Variants in CLASP1 observed in about 807,000 individuals in gnomAD.
CLASP1 encodes the protein cytoplasmic linker associated protein 1, also known as CLIP-associating protein 1.
A neutral mutation model predicts 192.3 loss-of-function variants in CLASP1; 38 were observed. That is an observed-to-expected ratio of 0.20 (90% CI 0.15 to 0.26). The LOEUF is 0.26. Among genes scored for constraint, CLASP1 ranks in the 10% least tolerant of loss-of-function variants. CLASP1 has a pLI of 1.00. For missense variants in CLASP1, 1,433 were observed against 1,932.5 expected, an observed-to-expected ratio of 0.74 and a Z score of 4.85; for synonymous variants, 691 against 712.8, an observed-to-expected ratio of 0.97 and a Z score of 0.49.
At chr2:121,544,887 TTTTTCTTTTC>T in intron 2 of CLASP1, among the ~76,000 whole-genome samples, 1 of 148,600 alleles carries the variant, frequency 6.7e-6, no homozygotes, top group African/African-American at 2.5e-5. Flanking sequence ...TTTTTCTTTC[TTTTTCTTTTC>T]TTTTCTTTTC....
At chr2:121,348,844 G>T in intron 37 of CLASP1, 126 bp from the exon 39 acceptor site, 1 of 865,804 alleles carries the variant, frequency 1.2e-6, no homozygotes, top group Non-Finnish European at 1.7e-6. Context: ...CCATTGCTTC[G>T]CCTGGCTCAA....
chr2:121,544,917 T>A (rs1484949558), intron 2 of CLASP1, among the ~76,000 whole-genome samples: 2 of 150,564 alleles, frequency 1.3e-5, no homozygotes, highest in African/African-American at 2.4e-5. Flanking sequence ...CTTTTTTTTT[T>A]TTTTTTATTT....
intron 39 of CLASP1, among the ~76,000 whole-genome samples, chr2:121,346,542 C>T (rs1042898075): frequency 2.0e-5 from 3 of 152,222 alleles, no homozygotes; most frequent in South Asian, 4.1e-4. Context: ...AGGTCTGTGC[C>T]GTGGGGCACG....
chr2:121,629,360 AGC>A (rs2069028493), intron 1 of CLASP1, among the ~76,000 whole-genome samples: 4 of 152,198 alleles, frequency 2.6e-5, no homozygotes, highest in Admixed American at 6.5e-5. Flanking sequence ...ACTGCACTCC[AGC>A]CTGGGTGATA....
intron 7 of CLASP1, among the ~76,000 whole-genome samples, chr2:121,507,105 A>G (rs1428853967): frequency 6.6e-6 from 1 of 152,232 alleles, no homozygotes; most frequent in East Asian, 1.9e-4. Context: ...TTTTAAGGAC[A>G]CCTATACATT....
intron 37 of CLASP1, 82 bp from the exon 39 acceptor site, chr2:121,348,800 G>T: frequency 1.6e-6 from 2 of 1,268,772 alleles, no homozygotes; most frequent in African/African-American, 1.5e-5. Context: ...GATTTCAGAG[G>T]CCAAAGGACA....
Position 121,457,670 on chromosome 2 carries a change from A to G in CLASP1, c.1385+17T>C. The stretch of plus-strand genomic sequence containing the variant: ...TTAAACAATTCAAAAACAATGAGAA[A>G]ATCCTTTAAAATTTACCTTCTAACT... On this transcript the variant is annotated intron_variant, in intron 14 of 39. Coordinates refer to ENST00000263710, the Ensembl canonical transcript of CLASP1. The G allele has an allele frequency of 6.3e-7, 1 of 1,590,192 alleles. No homozygotes were observed. Among genetic ancestry groups the G allele is most frequent in the South Asian group, 1.1e-5 (1 of 88,370 alleles).
chr2:121,628,548 C>T (rs1299408547), intron 1 of CLASP1, among the ~76,000 whole-genome samples: 1 of 151,728 alleles, frequency 6.6e-6, no homozygotes, highest in Admixed American at 6.6e-5. Context: ...TGGTGGTGCA[C>T]GCCTGTAACC....
chr2:121,581,957 C>T lies in CLASP1; in HGVS notation c.195+23744G>A, dbSNP rs1295044902. Among the ~76,000 whole-genome samples, 6 of 152,046 alleles carry T rather than the reference C, an allele frequency of 3.9e-5. No homozygotes were observed. The East Asian group carries it at 5.8e-4, about 15-fold the overall frequency. On this transcript the variant is annotated intron_variant, in intron 2 of 39. Transcript: ENST00000263710. The stretch of plus-strand genomic sequence containing the variant: ...CAGCACTTTGGGAGGCCCAGGCGGG[C>T]GGATCACTTGAGGCCAGGAGTTCAA...
rs549350693 is a variant in CLASP1 at position 121,490,485 on chromosome 2, C to T, written c.712+12682G>A. On this transcript the variant is annotated intron_variant, in intron 8 of 39. Transcript: ENST00000263710. ...TGTAAAAAGGGTTGGGGGTTGGTGG[C>T]TGGGGGGAGGTGTGAGCCTTCTCCA... Among the ~76,000 whole-genome samples the T allele has an allele frequency of 1.4e-3, 209 of 152,210 alleles. 1 individual carries two copies. The highest frequency in any genetic ancestry group is 4.9e-3 in the African/African-American group (203 of 41,536).
chr2:121,551,431 G>A (rs1036369942), intron 2 of CLASP1, among the ~76,000 whole-genome samples: 10 of 152,088 alleles, frequency 6.6e-5, no homozygotes, highest in Admixed American at 2.6e-4. Context: ...TAGACAATAC[G>A]ATTCTATATC....
At chr2:121,371,633 G>A (rs1036951486) in intron 34 of CLASP1, among the ~76,000 whole-genome samples, 1 of 152,142 alleles carries the variant, frequency 6.6e-6, no homozygotes, top group South Asian at 2.1e-4. Flanking sequence ...CAAGTCCCCC[G>A]CTTCAAAGCA....
At chr2:121,527,738 C>T in intron 5 of CLASP1, 61 bp downstream of exon 5, 1 of 1,284,980 alleles carries the variant, frequency 7.8e-7, no homozygotes, top group Non-Finnish European at 1.1e-6. Context: ...ATAATTATTT[C>T]AAAATAAAAA....
intron 22 of CLASP1, among the ~76,000 whole-genome samples, chr2:121,423,106 T>G (rs1332720718): frequency 1.3e-5 from 2 of 152,030 alleles, no homozygotes; most frequent in Non-Finnish European, 2.9e-5. Context: ...AGGAAAAAAA[T>G]GAAAATACAT....
rs1203320792 is a variant in CLASP1 at position 121,369,833 on chromosome 2, AT to A, written c.3643-2003del. Among the ~76,000 whole-genome samples the A allele has an allele frequency of 2.7e-4, 41 of 151,756 alleles. No homozygotes were observed. In the East Asian group the frequency reaches 7.5e-3, roughly 28 times the overall value. The stretch of plus-strand genomic sequence containing the variant: ...AAATAAGCTATCTTATGGAAATGAC[AT>A]TTTTTTTTCTTCTGTTGAGTTCTTT... On this transcript the variant is annotated intron_variant, in intron 34 of 39. Coordinates refer to ENST00000263710, the Ensembl canonical transcript of CLASP1.
At chr2:121,647,283 A>G (rs287799) in intron 1 of CLASP1, among the ~76,000 whole-genome samples, 45,855 of 151,978 alleles carry the variant, frequency 0.3, 11,092 homozygotes, top group African/African-American at 0.67. Flanking sequence ...CAGGAGAATC[A>G]CTTGAACCCA....
intron 2 of CLASP1, among the ~76,000 whole-genome samples, chr2:121,551,936 C>A (rs949004580): frequency 6.6e-6 from 1 of 152,166 alleles, no homozygotes; most frequent in Non-Finnish European, 1.5e-5. Flanking sequence ...CATCACATTA[C>A]CTGAGTTCAA....
chr2:121,431,906 AAAGAACGGAT>A (rs2081497177), intron 19 of CLASP1, among the ~76,000 whole-genome samples: 1 of 152,188 alleles, frequency 6.6e-6, no homozygotes, highest in South Asian at 2.1e-4. Context: ...ATGTATCGAT[AAAGAACGGAT>A]ATACTTTATT....
intron 8 of CLASP1, among the ~76,000 whole-genome samples, chr2:121,500,454 G>A (rs1313691566): frequency 5.6e-5 from 8 of 142,176 alleles, no homozygotes; most frequent in Non-Finnish European, 1.2e-4. Context: ...AAGGAAGGAG[G>A]GAAGGAGGGA....
Sources: allele counts gnomAD v4.1 joint callset (sites outside exome capture counted in the v4.1 genomes callset), GRCh38; gene constraint gnomAD v4.1.1; transcripts MANE v1.5; gene names NCBI Gene and HGNC (gene_info 2026-07-23, HGNC 2026-07-21).